Variants in CPAMD8 observed in about 807,000 individuals in gnomAD.
CPAMD8 encodes the protein C3 and PZP like alpha-2-macroglobulin domain containing 8, also known as C3 and PZP-like alpha-2-macroglobulin domain-containing protein 8.
A neutral mutation model predicts 224.7 loss-of-function variants in CPAMD8; 146 were observed. The observed-to-expected ratio is 0.65, with a 90% CI of 0.57 to 0.75. CPAMD8 has a LOEUF of 0.75. Among genes scored for constraint, CPAMD8 ranks in the 30% least tolerant of loss-of-function variants. CPAMD8 has a pLI of 0.00. For missense variants in CPAMD8, 2,301 were observed against 2,537.5 expected, an observed-to-expected ratio of 0.91 and a Z score of 2.00; for synonymous variants, 966 against 1,044.6, an observed-to-expected ratio of 0.92 and a Z score of 1.45.
chr19:16,970,895 G>C lies in CPAMD8; in HGVS notation c.2209C>G (p.Pro737Ala), dbSNP rs201935695. 5.5e-4 allele frequency: 884 copies of C among 1,613,486 alleles called. 8 individuals are homozygous for C. The South Asian group carries it at 9.0e-3, about 16-fold the overall frequency. ...GCTCAATGTATAAGCCGTTACCTGG[G>C]GGGGTGCCTGGAAGGAGCCACTGCC... ...LVAVAPSRHP[P>A]RTEKRKRTFF... is the part of the protein sequence containing the mutation. Residue 737 changes from proline to alanine, a missense_variant, in exon 18 of 42, where the codon CCC (proline) becomes GCC (alanine). By Grantham distance (27) the Pro-to-Ala change is conservative. Coordinates refer to ENST00000443236, the MANE Select transcript of CPAMD8 (RefSeq NM_015692.5).
intron 25 of CPAMD8, 92 bp from the exon 26 acceptor site, chr19:16,925,464 G>T: frequency 9.8e-7 from 1 of 1,023,024 alleles, no homozygotes; most frequent in Non-Finnish European, 1.5e-6. Flanking sequence ...GACAGTGAGT[G>T]TCATGCAGTC....
chr19:16,990,819 C>T lies in CPAMD8; in HGVS notation c.1267-1048G>A, dbSNP rs552400187. On this transcript the variant is annotated intron_variant, in intron 12 of 41. Coordinates refer to ENST00000443236, the MANE Select transcript of CPAMD8 (RefSeq NM_015692.5). ...CAGAGGTTGCAGTGAGCTGGAATCACGCCATTGCATTCCAGCCTGGGCAAT... is the reference window on the plus strand; with the variant it reads ...CAGAGGTTGCAGTGAGCTGGAATCATGCCATTGCATTCCAGCCTGGGCAAT... Among the ~76,000 whole-genome samples the T allele has an allele frequency of 3.8e-4, 54 of 141,720 alleles. No homozygotes were observed. The East Asian group carries it at 0.01, about 27-fold the overall frequency. 93.0% of individuals were successfully genotyped at this position (141,720 alleles called of 152,430 possible). A position where few individuals can be genotyped will look rare whatever the true frequency, so the allele number is the denominator to read the frequency against.
intron 10 of CPAMD8, among the ~76,000 whole-genome samples, chr19:16,998,989 A>T (rs1466314377): frequency 6.6e-6 from 1 of 152,218 alleles, no homozygotes; most frequent in Non-Finnish European, 1.5e-5. Context: ...AGGGAATATG[A>T]TGCAGCCATA....
intron 27 of CPAMD8, among the ~76,000 whole-genome samples, chr19:16,915,448 C>T (rs1164981219): frequency 6.6e-6 from 1 of 152,138 alleles, no homozygotes; most frequent in Admixed American, 6.5e-5. Context: ...AATTAGCCAA[C>T]CATAGCACCT....
At chr19:17,021,061 C>T (rs933846989) in intron 2 of CPAMD8, among the ~76,000 whole-genome samples, 2 of 152,178 alleles carry the variant, frequency 1.3e-5, no homozygotes, top group South Asian at 2.1e-4. Context: ...GCCTTCCCCT[C>T]TGGTCATAGT....
chr19:16,904,289 G>GGCGGCAGCC lies in CPAMD8; in HGVS notation c.4179_4187dup (p.Ala1394_Ala1396dup). ...GGGACAGCCACTTCACCACAGGCAG[G>GGCGGCAGCC]GCGGCAGCCACGTCACCCAGCAGAG... is the stretch of plus-strand genomic sequence containing the variant. On this transcript the variant is annotated inframe_insertion, in exon 32 of 42. Transcript: ENST00000443236. The GGCGGCAGCC allele has an allele frequency of 6.2e-7, 1 of 1,613,424 alleles. No individual in the cohort carries two copies.
intron 3 of CPAMD8, among the ~76,000 whole-genome samples, chr19:17,018,916 A>AAG (rs1204537909): frequency 3.1e-5 from 4 of 127,564 alleles, no homozygotes; most frequent in African/African-American, 1.0e-4. Flanking sequence ...TCAAAAAAAA[A>AAG]AAAGAAAAAA....
At chr19:16,964,144 G>A (rs2054745643) in intron 18 of CPAMD8, among the ~76,000 whole-genome samples, 1 of 152,126 alleles carries the variant, frequency 6.6e-6, no homozygotes, top group South Asian at 2.1e-4. Context: ...AGAAGCAAGA[G>A]CAAACAAATT....
chr19:17,018,545 A>G (rs1354601760), intron 3 of CPAMD8, among the ~76,000 whole-genome samples: 1 of 152,022 alleles, frequency 6.6e-6, no homozygotes, highest in Non-Finnish European at 1.5e-5. Context: ...CTTTACATAC[A>G]AACATTCTGG....
rs1443759500 is a variant in CPAMD8, at chr19:16,976,206, T to C, written c.1759-55A>G. On this transcript the variant is annotated intron_variant, in intron 15 of 41. Coordinates refer to ENST00000443236, the MANE Select transcript of CPAMD8 (RefSeq NM_015692.5). ...ACTTGGTTCAGTTGGCTGTGAGTGGTGGCTCACGCCTGTAATCCCAACACT... is the reference window on the plus strand; with the variant it reads ...ACTTGGTTCAGTTGGCTGTGAGTGGCGGCTCACGCCTGTAATCCCAACACT... 128 of 1,486,860 alleles carry C rather than the reference T, an allele frequency of 8.6e-5. 1 individual carries two copies. The highest frequency in any genetic ancestry group is 1.1e-4 in the Non-Finnish European group (120 of 1,080,970). 92.1% of individuals were successfully genotyped at this position (1,486,860 alleles called of 1,614,324 possible). A position where few individuals can be genotyped will look rare whatever the true frequency, so the allele number is the denominator to read the frequency against.
At chr19:16,901,732 G>T (rs945729195) in intron 35 of CPAMD8, among the ~76,000 whole-genome samples, 2 of 152,172 alleles carry the variant, frequency 1.3e-5, no homozygotes, top group African/African-American at 4.8e-5. Context: ...TAACATGGTG[G>T]GGCGGGGAGG....
At chr19:16,990,715 TA>T (rs749766472) in intron 12 of CPAMD8, among the ~76,000 whole-genome samples, 1 of 151,356 alleles carries the variant, frequency 6.6e-6, no homozygotes, top group Non-Finnish European at 1.5e-5. Flanking sequence ...TACAAAAAAT[TA>T]GCCGGGCATG....
In CPAMD8 at chr19:16,993,545, C is replaced by T. The variant is rs1473772305; in HGVS notation, c.1137G>A (p.Val379=). The T allele has an allele frequency of 3.7e-6, 6 of 1,614,084 alleles. No individual in the cohort carries two copies. The highest frequency in any genetic ancestry group is 5.1e-6 in the Non-Finnish European group (6 of 1,180,038). Residue 379 remains valine (V), a synonymous_variant, in exon 12 of 42, where the codon GTG becomes GTA. Coordinates refer to ENST00000443236, the MANE Select transcript of CPAMD8 (RefSeq NM_015692.5). The part of the protein sequence containing the change: ...SYPDGSPAEG[V]TVQIKAELTP... ...TCAGCTCTGCCTTAATCTGGACCGT[C>T]ACCCCCTCAGCTGGGCTGCCATCGG...
At chr19:16,919,692 C>T (rs1271742656) in intron 27 of CPAMD8, among the ~76,000 whole-genome samples, 7 of 152,232 alleles carry the variant, frequency 4.6e-5, no homozygotes, top group Non-Finnish European at 1.0e-4. Flanking sequence ...CTGCACTGGG[C>T]AGCGAGGACC....
intron 26 of CPAMD8, 29 bp downstream of exon 26, chr19:16,925,167 C>T (rs2053315033): frequency 1.2e-6 from 2 of 1,611,976 alleles, no homozygotes; most frequent in African/African-American, 1.3e-5. Context: ...CTTGCTCCCA[C>T]CTCAACCCAG....
chr19:16,931,585 G>T (rs868065964), intron 23 of CPAMD8, among the ~76,000 whole-genome samples: 4 of 152,132 alleles, frequency 2.6e-5, no homozygotes, highest in African/African-American at 9.7e-5. Flanking sequence ...CTGGTCCACC[G>T]CTGCCACTAC....
intron 5 of CPAMD8, among the ~76,000 whole-genome samples, chr19:17,010,481 T>C (rs1457832118): frequency 1.3e-5 from 2 of 152,108 alleles, no homozygotes; most frequent in East Asian, 3.9e-4. Context: ...CACAGCGATC[T>C]TCCTGCCTCA....
chr19:16,961,754 C>A (rs1259885319), intron 18 of CPAMD8, among the ~76,000 whole-genome samples: 1 of 152,234 alleles, frequency 6.6e-6, no homozygotes, highest in African/African-American at 2.4e-5. Context: ...CTGGGAGACA[C>A]CTCCCAGGAG....
In CPAMD8 at chr19:16,976,103, C is replaced by A; in HGVS notation, c.1807G>T (p.Asp603Tyr). The A allele has an allele frequency of 6.2e-7, 1 of 1,612,856 alleles. No individual in the cohort carries two copies. Reference sequence around the variant, plus strand: ...CCCCTTGCAGCCCTGATCCGCAGGTCGACAACCTCCCCAGGTTGGGTCTCA... The same window carrying A: ...CCCCTTGCAGCCCTGATCCGCAGGTAGACAACCTCCCCAGGTTGGGTCTCA... ...ANETQPGEVV[D>Y]LRIRAARGSC... Residue 603 changes from aspartate to tyrosine, a missense_variant, in exon 16 of 42, where the codon GAC becomes TAC. Transcript: ENST00000443236.
Sources: gnomAD v4.1 joint callset for allele counts (sites outside exome capture counted in the v4.1 genomes callset) on GRCh38, gnomAD v4.1.1 for gene constraint, MANE v1.5 for transcripts, NCBI Gene and HGNC (gene_info 2026-07-23, HGNC 2026-07-21) for gene names.